The following IPO11 variants were observed in gnomAD, a reference collection of about 807,000 sequenced individuals.
IPO11 encodes the protein importin 11, also known as importin-11.
Under a neutral mutation model 143.2 loss-of-function variants are expected in IPO11, and 66 were observed. The observed-to-expected ratio is 0.46, with a 90% CI of 0.38 to 0.57. IPO11 has a LOEUF of 0.57. Among genes scored for constraint, IPO11 ranks in the 20% least tolerant of loss-of-function variants. The probability of loss-of-function intolerance (pLI) is 0.00; values close to 1 mark genes in which losing one functional copy is unlikely to be tolerated. For missense variants in IPO11, 1,026 were observed against 1,141.0 expected (o/e 0.90, Z 1.45); for synonymous variants, 385 against 377.8 (o/e 1.02, Z -0.22).
Position 62,518,922 on chromosome 5 carries a change from G to C in IPO11, c.1896+3421G>C, listed in dbSNP as rs181275088. On this transcript the variant is annotated intron_variant, in intron 20 of 29. Transcript: ENST00000325324. The stretch of plus-strand genomic sequence containing the variant: ...CTACAGAATACAAATGAATAGAATG[G>C]GATCTTTGTGTAGGTGACTGTCTAG... 5.0e-3 allele frequency among the ~76,000 whole-genome samples: 762 copies of C among 152,284 alleles called. 11 individuals carry two copies. The highest frequency in any genetic ancestry group is 4.6e-3 in the Admixed American group (70 of 15,294).
chr5:62,516,970 G>A (rs1423423578), intron 20 of IPO11, among the ~76,000 whole-genome samples: 5 of 151,770 alleles, frequency 3.3e-5, no homozygotes, highest in African/African-American at 7.2e-5. Context: ...AGGCCGAGGC[G>A]GGTGGATCAC....
chr5:62,437,152 C>T (rs1744273559), intron 1 of IPO11, 122 bp from the exon 2 acceptor site: 5 of 628,582 alleles, frequency 8.0e-6, no homozygotes, highest in Non-Finnish European at 7.7e-6. Context: ...AAAGGCAGAA[C>T]ATGAAGGATT....
chr5:62,543,855 A>G (rs952283305), intron 24 of IPO11, among the ~76,000 whole-genome samples: 4 of 152,044 alleles, frequency 2.6e-5, no homozygotes, highest in African/African-American at 7.2e-5. Context: ...ACGCTGCTTT[A>G]AATGTGTCCC....
At chr5:62,542,086 T>G (rs1173460335) in intron 24 of IPO11, among the ~76,000 whole-genome samples, 1 of 151,990 alleles carries the variant, frequency 6.6e-6, no homozygotes, top group East Asian at 1.9e-4. Flanking sequence ...TATTTTTTTA[T>G]TTTTTTAAGA....
At chr5:62,482,569 T>G (rs1746252096) in intron 9 of IPO11, among the ~76,000 whole-genome samples, 1 of 152,204 alleles carries the variant, frequency 6.6e-6, no homozygotes, top group Non-Finnish European at 1.5e-5. Context: ...TTCTCTTATT[T>G]TAACAGCTGT....
intron 29 of IPO11, among the ~76,000 whole-genome samples, chr5:62,612,068 C>T (rs1354832664): frequency 3.9e-5 from 6 of 152,000 alleles, no homozygotes; most frequent in Middle Eastern, 6.8e-3. Flanking sequence ...TAACATTATG[C>T]GATAAGTCCT....
intron 15 of IPO11, among the ~76,000 whole-genome samples, chr5:62,490,830 A>G (rs1045950578): frequency 5.3e-5 from 8 of 152,068 alleles, no homozygotes; most frequent in African/African-American, 1.9e-4. Context: ...ATCTCAGCTC[A>G]CTGCAACCTC....
At chr5:62,614,663 A>C (rs1746061891) in intron 29 of IPO11, among the ~76,000 whole-genome samples, 1 of 152,154 alleles carries the variant, frequency 6.6e-6, no homozygotes, top group African/African-American at 2.4e-5. Context: ...CAGCCCCATG[A>C]CAACATCCAG....
At chr5:62,616,745 A>AAAAAT (rs1235706819) in intron 29 of IPO11, among the ~76,000 whole-genome samples, 38 of 145,028 alleles carry the variant, frequency 2.6e-4, no homozygotes, top group African/African-American at 9.5e-4. Flanking sequence ...AAAAAAAAAA[A>AAAAAT]TCAGTGAGAG....
chr5:62,627,012 G>C, intron 29 of IPO11, 142 bp from the exon 30 acceptor site: 3 of 595,582 alleles, frequency 5.0e-6, no homozygotes, highest in Non-Finnish European at 8.3e-6. Flanking sequence ...TCCACCATGA[G>C]ATTAGTACAG....
At chr5:62,580,928 A>G (rs1478280693) in intron 27 of IPO11, 1 of 1,551,134 alleles carries the variant, frequency 6.4e-7, no homozygotes, top group South Asian at 1.2e-5. Flanking sequence ...TTGAACTTGG[A>G]AAAAAACAGT....
intron 29 of IPO11, among the ~76,000 whole-genome samples, chr5:62,626,717 A>G (rs1746594920): frequency 1.3e-5 from 2 of 151,750 alleles, no homozygotes; most frequent in South Asian, 2.1e-4. Context: ...TAGTATTGCA[A>G]TCCAGGGTAG....
At chr5:62,532,766 A>G (rs987091222) in intron 22 of IPO11, among the ~76,000 whole-genome samples, 1 of 152,328 alleles carries the variant, frequency 6.6e-6, no homozygotes, top group East Asian at 1.9e-4. Context: ...AGTAAGCATT[A>G]TCTAATGTTT....
chr5:62,482,959 T>G lies in IPO11; in HGVS notation c.829-142T>G, dbSNP rs570562922. On this transcript the variant is annotated intron_variant, in intron 9 of 29. Coordinates refer to ENST00000325324, the MANE Select transcript of IPO11 (RefSeq NM_016338.5). ...TGTGCCTCAAGAAGAGTTATGATAA[T>G]GTAAAACTGAGTGAACATAGACTCC... 3.8e-5 allele frequency: 22 copies of G among 580,308 alleles called. No homozygotes were observed. The Admixed American group carries it at 5.2e-4, about 14-fold the overall frequency. 35.9% of individuals were successfully genotyped at this position (580,308 alleles called of 1,614,324 possible).
chr5:62,489,428 G>A, intron 14 of IPO11, 79 bp downstream of exon 14: 2 of 1,001,752 alleles, frequency 2.0e-6, no homozygotes, highest in East Asian at 2.7e-5. Flanking sequence ...ATTTTGTGCT[G>A]AGGGTGTTGA....
At chr5:62,607,277 C>T (rs1456968978) in intron 29 of IPO11, among the ~76,000 whole-genome samples, 2 of 152,108 alleles carry the variant, frequency 1.3e-5, no homozygotes, top group Admixed American at 6.5e-5. Flanking sequence ...AGGAAAGTGA[C>T]ACTGTTATGA....
intron 24 of IPO11, among the ~76,000 whole-genome samples, chr5:62,548,176 A>G (rs973230948): frequency 6.6e-6 from 1 of 152,172 alleles, no homozygotes; most frequent in African/African-American, 2.4e-5. Context: ...TGAGACATGT[A>G]GTCAGCTGTG....
At chr5:62,431,954 TA>T (rs1744004127) in intron 1 of IPO11, among the ~76,000 whole-genome samples, 1 of 151,328 alleles carries the variant, frequency 6.6e-6, no homozygotes, top group Non-Finnish European at 1.5e-5. Context: ...CATACATACA[TA>T]CATACATACA....
chr5:62,572,541 G>A (rs914866616), intron 27 of IPO11, among the ~76,000 whole-genome samples: 1 of 141,668 alleles, frequency 7.1e-6, no homozygotes, highest in African/African-American at 2.8e-5. Flanking sequence ...ATGTATATTT[G>A]TTTGTTTATT....
Sources: gnomAD v4.1 joint callset for allele counts (sites outside exome capture counted in the v4.1 genomes callset) on GRCh38, gnomAD v4.1.1 for gene constraint, MANE v1.5 for transcripts, NCBI Gene and HGNC (gene_info 2026-07-23, HGNC 2026-07-21) for gene names.